PEAK1: variants seen among roughly 807,000 people sequenced by gnomAD.
The protein encoded by PEAK1 is pseudopodium enriched atypical kinase 1, also known as inactive tyrosine-protein kinase PEAK1.
Under a neutral mutation model 124.7 loss-of-function variants are expected in PEAK1, and 54 were observed. The ratio of observed to expected loss-of-function variants is 0.43; its 90% CI spans 0.35 to 0.54. The LOEUF is 0.54. Among genes scored for constraint, PEAK1 ranks in the 20% least tolerant of loss-of-function variants. The pLI, the probability that PEAK1 is intolerant of heterozygous loss-of-function variation, is 0.01. For synonymous variants in PEAK1, 719 were observed against 760.0 expected (o/e 0.95, Z 0.89); for missense variants, 2,046 against 2,134.5 (o/e 0.96, Z 0.82).
rs549893726 is a variant in PEAK1 at position 77,244,590 on chromosome 15, TTTTTC to T, written c.-115+7772_-115+7776del. On this transcript the variant is annotated intron_variant, in intron 6 of 9. Coordinates refer to ENST00000682557, the MANE Select transcript of PEAK1 (RefSeq NM_001385026.1). ...ATATGATTTCCTCAAGGGACTTTTC[TTTTTC>T]TTTTTTTTTTTGAGACAGACTCTTG... Among the ~76,000 whole-genome samples, 420 of 151,992 alleles carry T rather than the reference TTTTTC, an allele frequency of 2.8e-3. 2 individuals carry two copies. Among genetic ancestry groups the T allele is most frequent in the South Asian group, 0.012 (57 of 4,814 alleles).
intron 2 of PEAK1, among the ~76,000 whole-genome samples, chr15:77,314,617 C>T (rs191146943): frequency 2.0e-5 from 3 of 152,250 alleles, no homozygotes; most frequent in African/African-American, 4.8e-5. Context: ...ATCCACCCAC[C>T]TCGGCCTCCC....
At chr15:77,251,558 C>A (rs553026649) in intron 6 of PEAK1, among the ~76,000 whole-genome samples, 1 of 151,982 alleles carries the variant, frequency 6.6e-6, no homozygotes, top group South Asian at 2.1e-4. Flanking sequence ...CCAAAAAATC[C>A]TTTGCATACT....
intron 5 of PEAK1, among the ~76,000 whole-genome samples, chr15:77,270,413 T>C (rs540290214): frequency 6.6e-6 from 1 of 152,152 alleles, no homozygotes; most frequent in Non-Finnish European, 1.5e-5. Flanking sequence ...CTTAAGCTGA[T>C]AGCAACTTCA....
chr15:77,178,859 G>A lies in PEAK1; in HGVS notation c.3068C>T (p.Ala1023Val). Reference protein sequence around the residue: ...AVMEKGRAENALLQDSEKKRS... With the variant: ...AVMEKGRAENVLLQDSEKKRS... ...CTTCTTCTCTGAGTCCTGTAGTAATGCATTCTCTGCTCTACCCTTCTCCAT... is the reference window on the plus strand; with the variant it reads ...CTTCTTCTCTGAGTCCTGTAGTAATACATTCTCTGCTCTACCCTTCTCCAT... Residue 1023 changes from alanine to valine, a missense_variant, in exon 7 of 10, where the codon GCA (alanine) becomes GTA (valine). Physicochemically the swap from Ala to Val is moderately conservative, Grantham distance 64. Transcript: ENST00000682557. 1.9e-6 allele frequency: 3 copies of A among 1,614,058 alleles called. No individual in the cohort carries two copies. The highest frequency in any genetic ancestry group is 2.5e-6 in the Non-Finnish European group (3 of 1,179,988).
rs138230711 is a variant in PEAK1 at position 77,151,827 on chromosome 15, G to T, written c.3331+6676C>A. On this transcript the variant is annotated intron_variant, in intron 8 of 9. Transcript: ENST00000682557. ...TCAAAGATCGGATGGTTGTAGATATGTGGCGTTATTTCTGAGGGCTCTGTT... is the reference window on the plus strand; with the variant it reads ...TCAAAGATCGGATGGTTGTAGATATTTGGCGTTATTTCTGAGGGCTCTGTT... Among the ~76,000 whole-genome samples the T allele has an allele frequency of 2.0e-3, 305 of 152,296 alleles. 1 individual carries two copies. The highest frequency in any genetic ancestry group is 7.3e-3 in the African/African-American group (302 of 41,544).
chr15:77,232,126 T>G (rs1030000842), intron 6 of PEAK1, among the ~76,000 whole-genome samples: 2 of 152,170 alleles, frequency 1.3e-5, no homozygotes, highest in Admixed American at 6.6e-5. Flanking sequence ...TACAAAATCA[T>G]TGCCCTTATC....
chr15:77,125,353 A>C (rs1402469033), intron 9 of PEAK1, among the ~76,000 whole-genome samples: 2 of 152,198 alleles, frequency 1.3e-5, no homozygotes, highest in Admixed American at 1.3e-4. Flanking sequence ...TGCTCAGAAA[A>C]TTAAAGTAGA....
intron 1 of PEAK1, among the ~76,000 whole-genome samples, chr15:77,395,605 G>A (rs1158682637): frequency 2.0e-5 from 3 of 152,122 alleles, no homozygotes; most frequent in Non-Finnish European, 2.9e-5. Context: ...TAAGACTGGC[G>A]GGAGACTTTT....
intron 8 of PEAK1, among the ~76,000 whole-genome samples, chr15:77,153,119 T>C (rs1681160977): frequency 6.6e-6 from 1 of 150,532 alleles, no homozygotes; most frequent in African/African-American, 2.4e-5. Context: ...CATCTGGTCC[T>C]GGACTTTTTT....
chr15:77,114,348 G>A lies in PEAK1; in HGVS notation c.5049C>T (p.Ser1683=), dbSNP rs187996767. ...DLFQTFTACP[S]LVQRNTLLQN... ...GGAGCAGGGTGTTCCTCTGTACTAG[G>A]CTAGGGCAGGCGGTGAAAGTCTGGA... The change falls in exon 10 of 10, where the codon AGC becomes AGT. Residue 1683 remains serine (S), a synonymous_variant. Coordinates refer to ENST00000682557, the MANE Select transcript of PEAK1 (RefSeq NM_001385026.1). 2,105 of 1,614,186 alleles carry A rather than the reference G, an allele frequency of 1.3e-3. 1 individual carries two copies. Among genetic ancestry groups the A allele is most frequent in the Non-Finnish European group, 1.7e-3 (1,955 of 1,180,028 alleles).
rs114426888 is a variant in PEAK1, at chr15:77,227,960, C to T, written c.-115+24407G>A. Among the ~76,000 whole-genome samples the T allele has an allele frequency of 3.9e-3, 592 of 151,930 alleles. 4 individuals are homozygous for T. Among genetic ancestry groups the T allele is most frequent in the African/African-American group, 0.014 (563 of 41,424 alleles). On this transcript the variant is annotated intron_variant, in intron 6 of 9. Transcript: ENST00000682557. The stretch of plus-strand genomic sequence containing the variant: ...GCAGTGAGGTATGATCACATCACTG[C>T]GCTCCAGCCTGGGAGATACAGTGAG...
chr15:77,270,960 C>G (rs186750428), intron 5 of PEAK1, among the ~76,000 whole-genome samples: 2 of 152,020 alleles, frequency 1.3e-5, no homozygotes, highest in Non-Finnish European at 2.9e-5. Flanking sequence ...AGCTTCCGCA[C>G]GGCAAAAGAA....
chr15:77,163,497 A>G (rs1021576789), intron 7 of PEAK1, among the ~76,000 whole-genome samples: 4 of 152,236 alleles, frequency 2.6e-5, no homozygotes, highest in African/African-American at 7.2e-5. Context: ...GAGATTAATC[A>G]TTACACCATC....
chr15:77,304,114 G>C (rs1327523090), intron 2 of PEAK1, among the ~76,000 whole-genome samples: 1 of 152,212 alleles, frequency 6.6e-6, no homozygotes, highest in Non-Finnish European at 1.5e-5. Flanking sequence ...CAGGTAGTGT[G>C]AGTACTACAA....
At chr15:77,271,905 A>G (rs1380274923) in intron 5 of PEAK1, among the ~76,000 whole-genome samples, 1 of 152,186 alleles carries the variant, frequency 6.6e-6, no homozygotes, top group Non-Finnish European at 1.5e-5. Flanking sequence ...CGTTGTGCAC[A>G]TGTACCCTAG....
chr15:77,276,817 TATAAAC>T (rs974466314), intron 5 of PEAK1, among the ~76,000 whole-genome samples: 3 of 152,012 alleles, frequency 2.0e-5, no homozygotes, highest in African/African-American at 7.2e-5. Flanking sequence ...TAAAAATATA[TATAAAC>T]ATGCATGTAA....
At chr15:77,115,425 T>C (rs1405093828) in intron 9 of PEAK1, 106 bp from the exon 10 acceptor site, 16 of 1,050,266 alleles carry the variant, frequency 1.5e-5, no homozygotes, top group Admixed American at 1.0e-4. Flanking sequence ...AACGATCATA[T>C]AGTAAAGTTG....
chr15:77,413,705 C>T (rs573463471), intron 1 of PEAK1, among the ~76,000 whole-genome samples: 1 of 152,266 alleles, frequency 6.6e-6, no homozygotes, highest in South Asian at 2.1e-4. Flanking sequence ...AATATTAAAG[C>T]AGTTTGAAGC....
chr15:77,418,140 A>G (rs1186580960), intron 1 of PEAK1: 39 of 984,050 alleles, frequency 4.0e-5, no homozygotes, highest in African/African-American at 5.2e-5. Flanking sequence ...AAGTTTCTGT[A>G]TACTATCAAC....
Sources: gnomAD v4.1 joint callset for allele counts (sites outside exome capture counted in the v4.1 genomes callset) on GRCh38, gnomAD v4.1.1 for gene constraint, MANE v1.5 for transcripts, NCBI Gene and HGNC (gene_info 2026-07-23, HGNC 2026-07-21) for gene names.